Variants in CDH7 observed in about 807,000 individuals in gnomAD.
CDH7 encodes the protein cadherin-7.
In CDH7, 25 loss-of-function variants were observed where a neutral mutation model predicts 71.8. That is an observed-to-expected ratio of 0.35 (90% confidence interval 0.25 to 0.49). CDH7 has a LOEUF of 0.49. Ranked by LOEUF, CDH7 falls within the 20% of genes least tolerant of loss-of-function variation. The pLI is 0.99. For missense variants in CDH7, 862 were observed against 974.6 expected (o/e 0.88, Z 1.54); for synonymous variants, 381 against 363.8 (o/e 1.05, Z -0.54).
chr18:65,791,583 C>T (rs1910714215), intron 2 of CDH7, among the ~76,000 whole-genome samples: 1 of 152,168 alleles, frequency 6.6e-6, no homozygotes, highest in Non-Finnish European at 1.5e-5. Context: ...GGGCCATTCT[C>T]TATTTAATCC....
At chr18:65,755,033 G>A (rs1915993476) in intron 1 of CDH7, among the ~76,000 whole-genome samples, 1 of 151,998 alleles carries the variant, frequency 6.6e-6, no homozygotes, top group South Asian at 2.1e-4. Flanking sequence ...TGATAATGAT[G>A]GTTACCATTA....
intron 11 of CDH7, chr18:65,865,154 T>G (rs1050964850): frequency 1.3e-5 from 2 of 152,190 alleles, no homozygotes; most frequent in Non-Finnish European, 2.9e-5. Context: ...GTAAACACTT[T>G]CAACTTTGAC....
rs1333448299 is a variant in CDH7, at chr18:65,883,403, G to C, written c.*2509G>C. On this transcript the variant is annotated 3_prime_UTR_variant, in exon 12 of 12. Transcript: ENST00000397968. ...AAATCTAATGCTATATATGATGACT[G>C]TCAATACTTGAGATATAGGCTTTGT... is the stretch of plus-strand genomic sequence containing the variant. 6.6e-6 allele frequency: 1 copy of C among 151,842 alleles called. No individual in the cohort carries two copies. Among genetic ancestry groups the C allele is most frequent in the East Asian group, 1.9e-4 (1 of 5,188 alleles). 9.4% of individuals were successfully genotyped at this position (151,842 alleles called of 1,614,324 possible). A position where few individuals can be genotyped will look rare whatever the true frequency, so the allele number is the denominator to read the frequency against.
chr18:65,763,440 T>C (rs1051253191), intron 2 of CDH7, among the ~76,000 whole-genome samples: 1 of 152,126 alleles, frequency 6.6e-6, no homozygotes, highest in Non-Finnish European at 1.5e-5. Flanking sequence ...TTTTGGGGTA[T>C]TATTAAAATG....
chr18:65,788,743 G>A (rs1052752227), intron 2 of CDH7, among the ~76,000 whole-genome samples: 2 of 152,008 alleles, frequency 1.3e-5, no homozygotes, highest in Non-Finnish European at 2.9e-5. Flanking sequence ...TATTTTTAAT[G>A]GAAAAAAGGA....
intron 6 of CDH7, among the ~76,000 whole-genome samples, chr18:65,827,338 A>G (rs1912169531): frequency 6.6e-6 from 1 of 151,918 alleles, no homozygotes; most frequent in African/African-American, 2.4e-5. Flanking sequence ...AATGGTGGTG[A>G]AAAATTTCAT....
chr18:65,842,045 G>A (rs1912752280), intron 6 of CDH7, among the ~76,000 whole-genome samples: 1 of 152,060 alleles, frequency 6.6e-6, no homozygotes, highest in Admixed American at 6.6e-5. Context: ...AAGTGTTTCT[G>A]TGCTCAAGAA....
chr18:65,862,664 A>G lies in CDH7; in HGVS notation c.1613-2A>G, dbSNP rs762326931. On this transcript the variant is annotated splice_acceptor_variant, in intron 10 of 11. Coordinates refer to ENST00000397968, the MANE Select transcript of CDH7 (RefSeq NM_004361.5). LOFTEE classifies it high-confidence loss of function. ...GTTATACATTTGCTTTCGTTATCCTAGACAACACAGCCTCAATACTGACCA... is the reference window on the plus strand; with the variant it reads ...GTTATACATTTGCTTTCGTTATCCTGGACAACACAGCCTCAATACTGACCA... 1 of 1,613,866 alleles carries G rather than the reference A, an allele frequency of 6.2e-7. No individual in the cohort carries two copies.
intron 2 of CDH7, chr18:65,803,281 T>A (rs1371572365): frequency 6.6e-6 from 1 of 152,162 alleles, no homozygotes. Context: ...CTAGAATGGC[T>A]GTTTCTCACA....
In CDH7 at chr18:65,763,001, G is replaced by C. The variant is rs759338179; in HGVS notation, c.159G>C (p.Gln53His). 1 of 1,613,566 alleles carries C rather than the reference G, an allele frequency of 6.2e-7. No homozygotes were observed. Among genetic ancestry groups the C allele is most frequent in the Non-Finnish European group, 8.5e-7 (1 of 1,179,760 alleles). Residue 53 changes from glutamine (Q) to histidine (H), a missense_variant, in exon 2 of 12, where the codon CAG becomes CAC. Transcript: ENST00000397968. ...CCAAGCGCAGCTGGGTGTGGAATCA[G>C]TTCTTTGTGCTGGAGGAATACATGG... ...SRTKRSWVWN[Q>H]FFVLEEYMGS...
At chr18:65,821,079 A>T (rs1008098796) in intron 4 of CDH7, among the ~76,000 whole-genome samples, 2 of 152,050 alleles carry the variant, frequency 1.3e-5, no homozygotes, top group East Asian at 3.9e-4. Context: ...ATTTTTAAAA[A>T]TGGGGTTACA....
At position 65,882,060 on chromosome 18, in the gene CDH7, C is replaced by A. The variant is rs1043502488; in HGVS notation, c.*1166C>A. On this transcript the variant is annotated 3_prime_UTR_variant, in exon 12 of 12. Transcript: ENST00000397968. ...CCAAAGACGATTTCAAGAACACAACCTTTCTTGCTGCAAACCTATTGAGTA... is the reference window on the plus strand; with the variant it reads ...CCAAAGACGATTTCAAGAACACAACATTTCTTGCTGCAAACCTATTGAGTA... 10 of 152,166 alleles carry A rather than the reference C, an allele frequency of 6.6e-5. No homozygotes were observed. In the East Asian group the frequency reaches 1.2e-3, roughly 18 times the overall value. The allele number at this position is 152,166 out of a possible 1,614,324, so 9.4% of individuals were successfully genotyped here.
In CDH7 at chr18:65,762,888, G is replaced by C; in HGVS notation, c.46G>C (p.Ala16Pro). 6.2e-7 allele frequency: 1 copy of C among 1,613,382 alleles called. No homozygotes were observed. The highest frequency in any genetic ancestry group is 8.5e-7 in the Non-Finnish European group (1 of 1,179,742). Residue 16 changes from alanine to proline, a missense_variant, in exon 2 of 12, where the codon GCT becomes CCT. Transcript: ENST00000397968. ...VEFCHFLQLIALFLCFSGMSQ... is the reference protein window; with the variant it reads ...VEFCHFLQLIPLFLCFSGMSQ... The stretch of plus-strand genomic sequence containing the variant: ...GTTCTGCCATTTTCTGCAGCTAATA[G>C]CTCTTTTCCTGTGTTTTTCTGGGAT...
At chr18:65,822,445 G>A (rs1164362743) in intron 5 of CDH7, among the ~76,000 whole-genome samples, 197 bp downstream of exon 5, 2 of 151,862 alleles carry the variant, frequency 1.3e-5, no homozygotes, top group Non-Finnish European at 1.5e-5. Context: ...AGAAATAGAA[G>A]CCATCATATA....
intron 8 of CDH7, 55 bp downstream of exon 8, chr18:65,858,007 GA>G: frequency 6.4e-7 from 1 of 1,553,928 alleles, no homozygotes; most frequent in Non-Finnish European, 8.8e-7. Flanking sequence ...GTGGAGAATC[GA>G]TTGTCATGAG....
intron 3 of CDH7, among the ~76,000 whole-genome samples, chr18:65,811,276 A>T (rs1429163676): frequency 1.3e-5 from 2 of 152,034 alleles, no homozygotes; most frequent in African/African-American, 4.8e-5. Flanking sequence ...GATGTGTATC[A>T]TGTGTGCTCT....
At position 65,802,990 on chromosome 18, in the gene CDH7, A is replaced by G. The variant is rs114935589; in HGVS notation, c.211-6714A>G. On this transcript the variant is annotated intron_variant, in intron 2 of 11. Transcript: ENST00000397968. ...TTTTCCCTAAGGAATGCAGATAATT[A>G]TATTACACCACTATATGGAAATGTA... 2.8e-3 allele frequency: 429 copies of G among 152,304 alleles called. 4 individuals carry two copies. Among genetic ancestry groups the G allele is most frequent in the African/African-American group, 0.01 (420 of 41,552 alleles). The allele number at this position is 152,304 out of a possible 1,614,324, so 9.4% of individuals were successfully genotyped here.
intron 7 of CDH7, among the ~76,000 whole-genome samples, chr18:65,845,524 G>A (rs529561706): frequency 5.2e-4 from 79 of 152,084 alleles, no homozygotes; most frequent in African/African-American, 1.8e-3. Flanking sequence ...TATATTAATT[G>A]GGGCAAACAT....
Position 65,780,736 on chromosome 18 carries a change from T to C in CDH7, c.210+17684T>C, listed in dbSNP as rs112581912. On this transcript the variant is annotated intron_variant, in intron 2 of 11. Coordinates refer to ENST00000397968, the MANE Select transcript of CDH7 (RefSeq NM_004361.5). The stretch of plus-strand genomic sequence containing the variant: ...TGTAGTGTAGTTTGAAGTCAGGTAG[T>C]GTGATGCCTCCAGCTTTGTTCTTTT... 5.0e-4 allele frequency among the ~76,000 whole-genome samples: 76 copies of C among 151,706 alleles called. 1 individual carries two copies. Among genetic ancestry groups the C allele is most frequent in the African/African-American group, 1.7e-3 (70 of 41,296 alleles).
Sources: allele counts gnomAD v4.1 joint callset (sites outside exome capture counted in the v4.1 genomes callset), GRCh38; gene constraint gnomAD v4.1.1; transcripts MANE v1.5; gene names NCBI Gene and HGNC (gene_info 2026-07-23, HGNC 2026-07-21).